The following C1orf159 variants were observed in gnomAD, a reference collection of about 807,000 sequenced individuals.
C1orf159 encodes the protein chromosome 1 open reading frame 159.
C1orf159 carries 19 observed loss-of-function variants against 25.6 expected under a neutral mutation model. That is an observed-to-expected ratio of 0.74 (90% CI 0.52 to 1.09). C1orf159 has a LOEUF of 1.09. Among genes scored for constraint, C1orf159 ranks in the 50% least tolerant of loss-of-function variants. The pLI is 0.00. For missense variants in C1orf159, 274 were observed against 290.6 expected (o/e 0.94, Z 0.42); for synonymous variants, 139 against 124.7 (o/e 1.12, Z -0.77).
At chr1:1,115,811 C>T (rs911782881) in intron 1 of C1orf159, among the ~76,000 whole-genome samples, 2 of 145,048 alleles carry the variant, frequency 1.4e-5, no homozygotes, top group Admixed American at 1.4e-4. Context: ...TCCCGCTCAG[C>T]CCGGGCGCCT....
intron 6 of C1orf159, among the ~76,000 whole-genome samples, chr1:1,086,758 G>A (rs1180090499): frequency 6.6e-6 from 1 of 152,102 alleles, no homozygotes; most frequent in East Asian, 1.9e-4. Flanking sequence ...GCGTGAACCT[G>A]AGAGTGTGTG....
At chr1:1,111,801 C>T (rs1646260409) in intron 1 of C1orf159, among the ~76,000 whole-genome samples, 1 of 152,134 alleles carries the variant, frequency 6.6e-6, no homozygotes, top group Admixed American at 6.5e-5. Context: ...CCACTGCATC[C>T]GTGTAGCTAA....
In C1orf159 at chr1:1,091,581, G is replaced by C. The variant is rs1280259201; in HGVS notation, c.-22-16C>G. On this transcript the variant is annotated splice_polypyrimidine_tract_variant and intron_variant, in intron 2 of 9. Coordinates refer to ENST00000421241, the MANE Select transcript of C1orf159 (RefSeq NM_017891.5). ...TGCGCAGAGCCTGCCACAGGGAGGA[G>C]CATGCGGAGCCAAAGAGATGGAGTG... is the stretch of plus-strand genomic sequence containing the variant. 8 of 1,532,116 alleles carry C rather than the reference G, an allele frequency of 5.2e-6. No individual in the cohort carries two copies. The highest frequency in any genetic ancestry group is 6.2e-6 in the Non-Finnish European group (7 of 1,133,212). 94.9% of individuals were successfully genotyped at this position (1,532,116 alleles called of 1,614,324 possible).
chr1:1,114,340 G>A (rs1261793504), intron 1 of C1orf159, among the ~76,000 whole-genome samples: 3 of 152,106 alleles, frequency 2.0e-5, no homozygotes, highest in African/African-American at 7.2e-5. Flanking sequence ...CCCATGCCTG[G>A]ATAATATTTT....
chr1:1,085,968 T>G lies in C1orf159; in HGVS notation c.355A>C (p.Ile119Leu). ...AASLFLGTFF[I>L]SSGLILSVAG... is the part of the protein sequence containing the mutation. ...ACGGAGAGGATGAGGCCGGAGCTAATGAAGAACGTGCCCAGGAAGAGGGAG... is the reference window on the plus strand; with the variant it reads ...ACGGAGAGGATGAGGCCGGAGCTAAGGAAGAACGTGCCCAGGAAGAGGGAG... Residue 119 changes from isoleucine (I) to leucine (L), a missense_variant, in exon 7 of 10, where the codon ATT becomes CTT. Physicochemically the swap from Ile to Leu is conservative, Grantham distance 5. Coordinates refer to ENST00000421241, the MANE Select transcript of C1orf159 (RefSeq NM_017891.5). The G allele has an allele frequency of 1.2e-6, 2 of 1,613,258 alleles. No individual in the cohort carries two copies. The highest frequency in any genetic ancestry group is 1.1e-5 in the South Asian group (1 of 91,080).
chr1:1,102,178 C>A (rs1214811513), intron 1 of C1orf159, among the ~76,000 whole-genome samples: 1 of 145,772 alleles, frequency 6.9e-6, no homozygotes, highest in African/African-American at 2.6e-5. Context: ...ACATTTATGT[C>A]TTTCACCAAA....
At chr1:1,107,352 G>A (rs755620625) in intron 1 of C1orf159, among the ~76,000 whole-genome samples, 4 of 151,954 alleles carry the variant, frequency 2.6e-5, no homozygotes, top group Admixed American at 6.5e-5. Context: ...TAGCTAATCC[G>A]GTGGGGACTT....
At chr1:1,094,959 T>TAAACAGTTGCTA (rs1645989992) in intron 1 of C1orf159, among the ~76,000 whole-genome samples, 1 of 152,222 alleles carries the variant, frequency 6.6e-6, no homozygotes, top group South Asian at 2.1e-4. Flanking sequence ...TCCTTATGTA[T>TAAACAGTTGCTA]AAACAGTTGC....
At chr1:1,083,905 G>A in intron 9 of C1orf159, 1 of 1,566,034 alleles carries the variant, frequency 6.4e-7, no homozygotes, top group South Asian at 1.2e-5. Context: ...CACATAAAAT[G>A]GGTCCTAACC....
chr1:1,086,131 G>C (rs1012904451), intron 6 of C1orf159, 119 bp from the exon 7 acceptor site: 8 of 1,293,934 alleles, frequency 6.2e-6, no homozygotes, highest in Non-Finnish European at 8.5e-6. Context: ...GAGCCTCACG[G>C]GACCGGCTGT....
At chr1:1,107,106 G>A (rs796684143) in intron 1 of C1orf159, among the ~76,000 whole-genome samples, 75 of 152,328 alleles carry the variant, frequency 4.9e-4, no homozygotes, top group African/African-American at 1.4e-3. Context: ...CCTGCTCCGC[G>A]GCACCCGATC....
At chr1:1,093,926 G>C (rs1004329275) in intron 1 of C1orf159, among the ~76,000 whole-genome samples, 2 of 152,230 alleles carry the variant, frequency 1.3e-5, no homozygotes, top group African/African-American at 4.8e-5. Context: ...CAGGGTGTCC[G>C]TGCATGTGCA....
chr1:1,100,570 G>A (rs1646086718), intron 1 of C1orf159, among the ~76,000 whole-genome samples: 1 of 152,076 alleles, frequency 6.6e-6, no homozygotes, highest in African/African-American at 2.4e-5. Flanking sequence ...GCTGAGCTTT[G>A]GCAAGTGTAT....
Position 1,089,040 on chromosome 1 carries a change from G to A in C1orf159, c.148+1313C>T, listed in dbSNP as rs768826591. 2.6e-5 allele frequency among the ~76,000 whole-genome samples: 4 copies of A among 152,250 alleles called. No individual in the cohort carries two copies. The highest frequency in any genetic ancestry group is 4.4e-5 in the Non-Finnish European group (3 of 68,038). ...GCCGAAGAACGGAGTCCACGGCAGG[G>A]AGCCAAACACCAGCGCAGCACTGTC... On this transcript the variant is annotated intron_variant, in intron 4 of 9. Transcript: ENST00000421241. This position sits in a 1 kb window ranked among gnomAD's most constrained non-coding sequence, Gnocchi z 7.5.
At chr1:1,093,068 A>T (rs1645964019) in intron 1 of C1orf159, among the ~76,000 whole-genome samples, 1 of 151,394 alleles carries the variant, frequency 6.6e-6, no homozygotes, top group African/African-American at 2.4e-5. Context: ...CCTCTGATTC[A>T]GCTCCTCCTC....
chr1:1,091,093 A>T (rs1198472240), intron 3 of C1orf159: 19 of 910,132 alleles, frequency 2.1e-5, no homozygotes, highest in Non-Finnish European at 3.0e-5. Context: ...CCCAGCCAGG[A>T]CAGTGAGGGG....
intron 1 of C1orf159, among the ~76,000 whole-genome samples, chr1:1,101,207 G>A (rs1360018927): frequency 6.6e-6 from 1 of 152,062 alleles, no homozygotes; most frequent in African/African-American, 2.4e-5. Flanking sequence ...AACTTGGTCG[G>A]GCGTGGCAGC....
Position 1,086,023 on chromosome 1 carries a change from A to T in C1orf159, c.311-11T>A, listed in dbSNP as rs535584580. The T allele has an allele frequency of 5.0e-6, 8 of 1,612,566 alleles. No homozygotes were observed. The highest frequency in any genetic ancestry group is 6.8e-6 in the Non-Finnish European group (8 of 1,179,690). On this transcript the variant is annotated splice_polypyrimidine_tract_variant and intron_variant, in intron 6 of 9. Coordinates refer to ENST00000421241, the MANE Select transcript of C1orf159 (RefSeq NM_017891.5). ...CCACGCGCGGAGCCCCTGCAAACAG[A>T]CACCGCTGAGCAGACGGGCAGGACG...
At chr1:1,093,990 T>A (rs1464109394) in intron 1 of C1orf159, among the ~76,000 whole-genome samples, 6 of 152,206 alleles carry the variant, frequency 3.9e-5, no homozygotes, top group African/African-American at 1.4e-4. Context: ...AATGATGGCA[T>A]CTTTCCATGT....
Sources: allele counts gnomAD v4.1 joint callset (sites outside exome capture counted in the v4.1 genomes callset), GRCh38; gene constraint gnomAD v4.1.1; non-coding constraint Gnocchi (gnomAD v3.1); transcripts MANE v1.5; gene names NCBI Gene and HGNC (gene_info 2026-07-23, HGNC 2026-07-21).